The following RFFL variants were observed in gnomAD, a reference collection of about 807,000 sequenced individuals.
RFFL encodes the protein ring finger and FYVE like domain containing E3 ubiquitin protein ligase.
In RFFL, 16 loss-of-function variants were observed where a neutral mutation model predicts 40.4. The ratio of observed to expected loss-of-function variants is 0.40; its 90% CI spans 0.27 to 0.60. The LOEUF (loss-of-function observed/expected upper bound fraction) is 0.60. RFFL is among the 20% of genes least tolerant of loss of function. The pLI, the probability that RFFL is intolerant of heterozygous loss-of-function variation, is 0.47. For synonymous variants in RFFL, 154 were observed against 167.9 expected (o/e 0.92, Z 0.64); for missense variants, 367 against 451.7 (o/e 0.81, Z 1.70).
chr17:35,067,637 T>C (rs1021866806), upstream of RFFL, among the ~76,000 whole-genome samples: 2 of 151,750 alleles, frequency 1.3e-5, no homozygotes, highest in African/African-American at 2.4e-5. Flanking sequence ...GTATTTTTAG[T>C]AGAGACGGAG....
intron 1 of RFFL, among the ~76,000 whole-genome samples, chr17:35,072,902 G>C (rs921782015): frequency 6.6e-6 from 1 of 152,052 alleles, no homozygotes; most frequent in Non-Finnish European, 1.5e-5. Context: ...AATTAGCCAG[G>C]CATGGTAGCG....
intron 1 of RFFL, among the ~76,000 whole-genome samples, chr17:35,055,625 C>T (rs917024187): frequency 4.1e-5 from 6 of 147,724 alleles, no homozygotes; most frequent in Admixed American, 1.3e-4. Context: ...GAGCCGAGAT[C>T]ATGCCATTGC....
At chr17:35,040,134 C>T (rs559058746) in intron 1 of RFFL, among the ~76,000 whole-genome samples, 2 of 152,270 alleles carry the variant, frequency 1.3e-5, no homozygotes, top group South Asian at 4.2e-4. Flanking sequence ...CAATGCTGGA[C>T]ACAAGCGACT....
intron 1 of RFFL, among the ~76,000 whole-genome samples, chr17:35,042,840 A>AAG (rs2091175301): frequency 6.6e-6 from 1 of 150,972 alleles, no homozygotes; most frequent in Non-Finnish European, 1.5e-5. Context: ...AAAAAAAAAA[A>AAG]AAAAGAAAAG....
chr17:35,065,202 C>G (rs2091313888), upstream of RFFL, among the ~76,000 whole-genome samples: 1 of 151,596 alleles, frequency 6.6e-6, no homozygotes, highest in Non-Finnish European at 1.5e-5. Context: ...AATATGGAAC[C>G]TCCTTCAGAA....
intron 1 of RFFL, among the ~76,000 whole-genome samples, chr17:35,074,941 C>A (rs1056773112): frequency 6.6e-6 from 1 of 152,214 alleles, no homozygotes; most frequent in Admixed American, 6.5e-5. Flanking sequence ...ATGCCCAATG[C>A]TTCCCTAGCT....
chr17:35,058,227 C>G (rs990526661), intron 1 of RFFL, among the ~76,000 whole-genome samples: 8 of 151,920 alleles, frequency 5.3e-5, no homozygotes, highest in Non-Finnish European at 8.8e-5. Flanking sequence ...TATCCCCCCC[C>G]ACCATACTCA....
intron 2 of RFFL, among the ~76,000 whole-genome samples, chr17:35,025,605 T>C (rs1464135421): frequency 1.3e-5 from 2 of 152,232 alleles, no homozygotes; most frequent in African/African-American, 4.8e-5. Flanking sequence ...ATGATCACCA[T>C]TTTAACATCA....
rs150935808 is a variant in RFFL at position 35,086,265 on chromosome 17, G to A, written c.-9+2840C>T. On this transcript the variant is annotated intron_variant, in intron 1 of 6. Coordinates refer to the RFFL transcript ENST00000315249. ...TTTGGGAGGCCGAGGCCAGAGGATC[G>A]CTTGAGCTCAAGGCATTTGAGATCA... Among the ~76,000 whole-genome samples, 5 of 152,162 alleles carry A rather than the reference G, an allele frequency of 3.3e-5. No individual in the cohort carries two copies. In the East Asian group the frequency reaches 5.8e-4, roughly 18 times the overall value.
intron 1 of RFFL, among the ~76,000 whole-genome samples, chr17:35,083,647 G>A (rs1321485932): frequency 6.6e-6 from 1 of 151,940 alleles, no homozygotes; most frequent in East Asian, 1.9e-4. Flanking sequence ...TGGACATGGT[G>A]GCGCATGTCT....
chr17:35,018,646 A>G (rs1477186268), intron 3 of RFFL: 1 of 152,270 alleles, frequency 6.6e-6, no homozygotes, highest in African/African-American at 2.4e-5. Flanking sequence ...TAGGATTCAT[A>G]ATATGGAGCT....
intron 1 of RFFL, among the ~76,000 whole-genome samples, chr17:35,042,697 C>T (rs2091173933): frequency 1.3e-5 from 2 of 151,554 alleles, no homozygotes; most frequent in African/African-American, 2.4e-5. Flanking sequence ...TAGTGGCATG[C>T]ACCTGTAGTC....
intron 1 of RFFL, chr17:35,074,131 GA>G (rs1375228052): frequency 1.3e-5 from 2 of 152,204 alleles, no homozygotes; most frequent in East Asian, 3.8e-4. Context: ...AGTCAGTGTA[GA>G]AAGTAAAAGT....
intron 1 of RFFL, among the ~76,000 whole-genome samples, chr17:35,078,736 T>G (rs758034266): frequency 6.6e-6 from 1 of 152,104 alleles, no homozygotes; most frequent in African/African-American, 2.4e-5. Flanking sequence ...TCCCAACACT[T>G]TGGGAGGCCG....
chr17:35,032,111 A>G (rs1372100666), intron 1 of RFFL, among the ~76,000 whole-genome samples: 4 of 149,514 alleles, frequency 2.7e-5, no homozygotes, highest in East Asian at 1.9e-4. Context: ...AAAAAAAAAA[A>G]GAAAAAGAAA....
intron 1 of RFFL, among the ~76,000 whole-genome samples, chr17:35,071,757 TG>T (rs1430976917): frequency 2.6e-5 from 4 of 152,182 alleles, no homozygotes; most frequent in African/African-American, 9.7e-5. Flanking sequence ...TGTACACAAA[TG>T]TTCATTATGG....
chr17:35,025,768 A>C (rs1279708698), intron 2 of RFFL, among the ~76,000 whole-genome samples: 1 of 152,216 alleles, frequency 6.6e-6, no homozygotes, highest in Non-Finnish European at 1.5e-5. Context: ...GTGCACACCT[A>C]GACACCATTA....
At chr17:35,020,774 T>G (rs2091003478) in intron 3 of RFFL, among the ~76,000 whole-genome samples, 1 of 152,090 alleles carries the variant, frequency 6.6e-6, no homozygotes, top group Non-Finnish European at 1.5e-5. Context: ...CAGACCTGGG[T>G]CATGATTCAG....
rs147148799 is a variant in RFFL, at chr17:35,070,853, T to C, written c.-9+18252A>G. 2.4e-3 allele frequency among the ~76,000 whole-genome samples: 358 copies of C among 152,314 alleles called. 4 individuals carry two copies. Among genetic ancestry groups the C allele is most frequent in the African/African-American group, 8.4e-3 (348 of 41,568 alleles). ...TGTCAGTCGAATCAGTTTTACTAAG[T>C]AATCTGATGAACTTAAAAACCAGAT... On this transcript the variant is annotated intron_variant, in intron 1 of 6. Coordinates refer to the RFFL transcript ENST00000315249.
Sources: allele counts gnomAD v4.1 joint callset (sites outside exome capture counted in the v4.1 genomes callset), GRCh38; gene constraint gnomAD v4.1.1; transcripts MANE v1.5; gene names NCBI Gene and HGNC (gene_info 2026-07-23, HGNC 2026-07-21).